The following LDLRAD3 variants were observed in gnomAD, a reference collection of about 807,000 sequenced individuals.
The protein encoded by LDLRAD3 is low-density lipoprotein receptor class A domain-containing protein 3.
LDLRAD3 carries 20 observed loss-of-function variants against 29.4 expected under a neutral mutation model. The observed-to-expected ratio is 0.68, with a 90% CI of 0.48 to 0.99. LDLRAD3 has a LOEUF of 0.99. Among genes scored for constraint, LDLRAD3 ranks in the 50% least tolerant of loss-of-function variants. The probability of loss-of-function intolerance (pLI) is 0.00; values close to 1 mark genes in which losing one functional copy is unlikely to be tolerated. For synonymous variants in LDLRAD3, 157 were observed against 192.7 expected, an observed-to-expected ratio of 0.81 and a Z score of 1.53; for missense variants, 420 against 454.3, an observed-to-expected ratio of 0.92 and a Z score of 0.69.
At chr11:36,015,208 C>T (rs2133191855) in intron 1 of LDLRAD3, among the ~76,000 whole-genome samples, 1 of 152,274 alleles carries the variant, frequency 6.6e-6, no homozygotes, top group East Asian at 1.9e-4. Flanking sequence ...CAGGGTGTGG[C>T]TCGTGCCATT....
intron 3 of LDLRAD3, among the ~76,000 whole-genome samples, chr11:36,088,901 A>C (rs1223317691): frequency 6.6e-6 from 1 of 151,802 alleles, no homozygotes; most frequent in African/African-American, 2.4e-5. Context: ...TTCCATGACC[A>C]CTCTATGAAA....
chr11:35,971,258 C>T (rs1190994516), intron 1 of LDLRAD3, among the ~76,000 whole-genome samples: 8 of 152,148 alleles, frequency 5.3e-5, no homozygotes, highest in Non-Finnish European at 7.3e-5. Context: ...ATTTCAAGGG[C>T]GTTGGGACCC....
At chr11:36,096,686 T>C (rs1590263913) in intron 3 of LDLRAD3, among the ~76,000 whole-genome samples, 1 of 152,378 alleles carries the variant, frequency 6.6e-6, no homozygotes, top group East Asian at 1.9e-4. Context: ...TTTTGGCCTG[T>C]GGCTGGCGTA....
intron 4 of LDLRAD3, among the ~76,000 whole-genome samples, chr11:36,145,504 G>A (rs1435319491): frequency 6.7e-6 from 1 of 150,322 alleles, no homozygotes; most frequent in Non-Finnish European, 1.5e-5. Flanking sequence ...TCTGGGAGGT[G>A]TACTCAACAG....
At chr11:36,165,860 T>C (rs1161126704) in intron 4 of LDLRAD3, among the ~76,000 whole-genome samples, 1 of 150,680 alleles carries the variant, frequency 6.6e-6, no homozygotes, top group Non-Finnish European at 1.5e-5. Flanking sequence ...AAAAAATAAG[T>C]GATCTCATTT....
chr11:36,215,709 A>G (rs553279459), intron 4 of LDLRAD3, among the ~76,000 whole-genome samples: 103 of 152,296 alleles, frequency 6.8e-4, no homozygotes, highest in Non-Finnish European at 1.3e-3. Context: ...TCAAGAAGCC[A>G]TGAATTTGTT....
chr11:36,174,774 G>C (rs1278610880), intron 4 of LDLRAD3, among the ~76,000 whole-genome samples: 1 of 152,160 alleles, frequency 6.6e-6, no homozygotes, highest in East Asian at 1.9e-4. Flanking sequence ...GAGGTCAGGA[G>C]ATCGAGACCA....
chr11:36,229,089 A>C, intron 5 of LDLRAD3, 71 bp from the exon 6 acceptor site: 1 of 1,073,204 alleles, frequency 9.3e-7, no homozygotes, highest in Non-Finnish European at 1.4e-6. Flanking sequence ...AAGTTGGCTT[A>C]TCTTGGCCCT....
At chr11:36,092,078 T>G (rs899557063) in intron 3 of LDLRAD3, among the ~76,000 whole-genome samples, 23 of 152,314 alleles carry the variant, frequency 1.5e-4, no homozygotes, top group African/African-American at 4.3e-4. Flanking sequence ...ACTGAATATT[T>G]ATGCCTTTCA....
chr11:35,948,437 C>CGTGTGTGTGTGT (rs140009978), intron 1 of LDLRAD3, among the ~76,000 whole-genome samples: 1 of 147,190 alleles, frequency 6.8e-6, no homozygotes, highest in African/African-American at 2.5e-5. Flanking sequence ...GTTGGCTGAT[C>CGTGTGTGTGTGT]GTGTGTGTGT....
At chr11:35,995,414 A>G (rs1041886911) in intron 1 of LDLRAD3, among the ~76,000 whole-genome samples, 1 of 152,238 alleles carries the variant, frequency 6.6e-6, no homozygotes, top group Non-Finnish European at 1.5e-5. Context: ...AAACCATGCT[A>G]TAAACAGATG....
chr11:36,076,576 C>T (rs758861829), intron 2 of LDLRAD3, among the ~76,000 whole-genome samples: 23 of 152,074 alleles, frequency 1.5e-4, no homozygotes, highest in Non-Finnish European at 2.5e-4. Context: ...GTAGTAGAGA[C>T]GAGGTTTCAC....
rs1002558876 is a variant in LDLRAD3 at position 36,229,610 on chromosome 11, G to C, written c.*213G>C. 3 of 517,480 alleles carry C rather than the reference G, an allele frequency of 5.8e-6. No homozygotes were observed. The highest frequency in any genetic ancestry group is 5.7e-5 in the African/African-American group (3 of 52,532). 32.1% of individuals were successfully genotyped at this position (517,480 alleles called of 1,614,324 possible). ...ACATGATCTGTTGTGCGTCTTTTCT[G>C]TCAGGTCACTCTTCCCTTGGGACCC... On this transcript the variant is annotated 3_prime_UTR_variant, in exon 6 of 6. Coordinates refer to ENST00000315571, the MANE Select transcript of LDLRAD3 (RefSeq NM_174902.4).
At chr11:35,973,719 C>T (rs1475560221) in intron 1 of LDLRAD3, among the ~76,000 whole-genome samples, 5 of 152,154 alleles carry the variant, frequency 3.3e-5, no homozygotes, top group Admixed American at 3.3e-4. Flanking sequence ...GATATGCCCA[C>T]CTCAGCTTCC....
intron 4 of LDLRAD3, among the ~76,000 whole-genome samples, chr11:36,159,821 CT>C (rs1265847591): frequency 6.6e-6 from 1 of 151,890 alleles, no homozygotes; most frequent in East Asian, 1.9e-4. Context: ...GGCCTATGAC[CT>C]TTGCCCACAG....
At chr11:36,020,923 A>G (rs1248941455) in intron 1 of LDLRAD3, among the ~76,000 whole-genome samples, 1 of 152,214 alleles carries the variant, frequency 6.6e-6, no homozygotes, top group Non-Finnish European at 1.5e-5. Flanking sequence ...CATTAGTGCC[A>G]AAGAGGTAAG....
At chr11:36,190,524 G>T (rs976311677) in intron 4 of LDLRAD3, among the ~76,000 whole-genome samples, 1 of 151,988 alleles carries the variant, frequency 6.6e-6, no homozygotes, top group Non-Finnish European at 1.5e-5. Context: ...AATGGAAAAA[G>T]TTAGGTCATA....
intron 4 of LDLRAD3, among the ~76,000 whole-genome samples, chr11:36,170,804 C>CTTT (rs763207036): frequency 2.9e-5 from 4 of 138,332 alleles, no homozygotes; most frequent in South Asian, 2.3e-4. Flanking sequence ...TGTATATCTT[C>CTTT]TTTTTTTTTT....
intron 4 of LDLRAD3, among the ~76,000 whole-genome samples, chr11:36,212,989 T>A (rs1283489555): frequency 2.6e-5 from 4 of 152,172 alleles, no homozygotes; most frequent in African/African-American, 9.7e-5. Context: ...TCCAGGGAAG[T>A]GTCTACTTCA....
Sources: allele counts gnomAD v4.1 joint callset (sites outside exome capture counted in the v4.1 genomes callset), GRCh38; gene constraint gnomAD v4.1.1; transcripts MANE v1.5; gene names NCBI Gene and HGNC (gene_info 2026-07-23, HGNC 2026-07-21).